The following XXYLT1 variants were observed in gnomAD, a reference collection of about 807,000 sequenced individuals.
The protein encoded by XXYLT1 is UDP-xylose:alpha-xyloside alpha-1,3-xylosyltransferase.
Under a neutral mutation model 28.9 loss-of-function variants are expected in XXYLT1, and 20 were observed. The ratio of observed to expected loss-of-function variants is 0.69; its 90% CI spans 0.49 to 1.00. The LOEUF is 1.00. Among genes scored for constraint, XXYLT1 ranks in the 50% least tolerant of loss-of-function variants. XXYLT1 has a pLI of 0.00. For synonymous variants in XXYLT1, 257 were observed against 253.8 expected (o/e 1.01, Z -0.12); for missense variants, 542 against 560.1 (o/e 0.97, Z 0.33).
intron 3 of XXYLT1, chr3:195,122,056 C>T (rs60922537): frequency 1.6e-5 from 11 of 702,748 alleles, no homozygotes; most frequent in Middle Eastern, 2.3e-4. Context: ...CCAAGACCAA[C>T]GTGCCCACTG....
intron 2 of XXYLT1, among the ~76,000 whole-genome samples, chr3:195,214,333 G>A (rs1723462863): frequency 6.6e-6 from 1 of 152,030 alleles, no homozygotes; most frequent in South Asian, 2.1e-4. Flanking sequence ...AATCAGGGAG[G>A]GAGGAGGCTC....
At chr3:195,174,449 C>A (rs1348303645) in intron 2 of XXYLT1, among the ~76,000 whole-genome samples, 2 of 152,154 alleles carry the variant, frequency 1.3e-5, no homozygotes, top group African/African-American at 4.8e-5. Flanking sequence ...AGTGATCCTC[C>A]CACCTCAGCC....
chr3:195,186,896 GTT>G (rs756410119), intron 2 of XXYLT1, among the ~76,000 whole-genome samples: 7 of 137,138 alleles, frequency 5.1e-5, no homozygotes, highest in South Asian at 2.4e-4. Context: ...ACTGGCTGAA[GTT>G]TTTTTTTTTT....
At chr3:195,107,741 G>A (rs542703972) in intron 3 of XXYLT1, among the ~76,000 whole-genome samples, 58 of 151,344 alleles carry the variant, frequency 3.8e-4, no homozygotes, top group African/African-American at 1.2e-3. Flanking sequence ...CTGTGACCCC[G>A]TCCTCCCTGC....
intron 3 of XXYLT1, among the ~76,000 whole-genome samples, chr3:195,155,149 G>A (rs1720497090): frequency 6.6e-6 from 1 of 152,206 alleles, no homozygotes; most frequent in African/African-American, 2.4e-5. Context: ...CTCATTTAGG[G>A]GCCTTGCAGG....
Position 195,195,862 on chromosome 3 carries a change from A to C in XXYLT1, c.652+30847T>G, listed in dbSNP as rs1222651787. On this transcript the variant is annotated intron_variant, in intron 2 of 3. Transcript: ENST00000310380. This position sits in a 1 kb window ranked among gnomAD's most constrained non-coding sequence, Gnocchi z 4.4. ...CAGTCCTGTTGCATTGAAGTATCCA[A>C]TGAGCTCCAGTGAGCCTGAGCCTGG... Among the ~76,000 whole-genome samples the C allele has an allele frequency of 6.6e-6, 1 of 152,168 alleles. No individual in the cohort carries two copies. The highest frequency in any genetic ancestry group is 1.5e-5 in the Non-Finnish European group (1 of 68,010).
rs577003910 is a variant in XXYLT1 at position 195,207,701 on chromosome 3, TA to T, written c.652+19007del. Among the ~76,000 whole-genome samples, 1,200 of 152,256 alleles carry T rather than the reference TA, an allele frequency of 7.9e-3. 16 individuals are homozygous for T. Among genetic ancestry groups the T allele is most frequent in the African/African-American group, 0.028 (1,152 of 41,538 alleles). On this transcript the variant is annotated intron_variant, in intron 2 of 3. Coordinates refer to ENST00000310380, the MANE Select transcript of XXYLT1 (RefSeq NM_152531.5). ...AACAAATATTTATTTATCTTACAGA[TA>T]AATAAATAAGCTGTAAGATAAATAT...
At chr3:195,194,972 G>A (rs912539978) in intron 2 of XXYLT1, among the ~76,000 whole-genome samples, 1 of 152,134 alleles carries the variant, frequency 6.6e-6, no homozygotes, top group African/African-American at 2.4e-5. Context: ...TTCTAACACC[G>A]AATTGTGGTC....
At chr3:195,254,192 A>C (rs1007742959) in intron 1 of XXYLT1, among the ~76,000 whole-genome samples, 2 of 152,206 alleles carry the variant, frequency 1.3e-5, no homozygotes, top group African/African-American at 4.8e-5. Context: ...CAGGTTCTCC[A>C]GGGCCTCAGC....
At chr3:195,081,440 G>A (rs767976246) in intron 3 of XXYLT1, among the ~76,000 whole-genome samples, 25 of 152,176 alleles carry the variant, frequency 1.6e-4, no homozygotes, top group Non-Finnish European at 5.9e-5. Flanking sequence ...TGCCAGGAGG[G>A]AGGCCCAGCT....
At chr3:195,097,523 T>C (rs1447298837) in intron 3 of XXYLT1, among the ~76,000 whole-genome samples, 1 of 152,208 alleles carries the variant, frequency 6.6e-6, no homozygotes, top group Non-Finnish European at 1.5e-5. Flanking sequence ...ATGAGGTTGT[T>C]ATTATCATGA....
chr3:195,121,842 C>A (rs12633474), intron 3 of XXYLT1, among the ~76,000 whole-genome samples: 1 of 152,182 alleles, frequency 6.6e-6, no homozygotes, highest in Non-Finnish European at 1.5e-5. Context: ...CCTCAGGATC[C>A]CCATCTATAA....
chr3:195,233,497 T>C (rs1340084167), intron 1 of XXYLT1, among the ~76,000 whole-genome samples: 1 of 152,234 alleles, frequency 6.6e-6, no homozygotes, highest in East Asian at 1.9e-4. Flanking sequence ...GCTTTTTACT[T>C]TTTCATATCC....
intron 2 of XXYLT1, chr3:195,175,613 G>T: frequency 6.5e-7 from 1 of 1,536,186 alleles, no homozygotes. Flanking sequence ...GGTAGTAACA[G>T]ACATCGCTAG....
At chr3:195,169,985 C>A (rs948005091) in intron 2 of XXYLT1, among the ~76,000 whole-genome samples, 1 of 94,410 alleles carries the variant, frequency 1.1e-5, no homozygotes, top group African/African-American at 4.0e-5. Flanking sequence ...CCTGCCTCAG[C>A]CTTCCAAGTA....
chr3:195,132,352 G>A (rs1017050654), intron 3 of XXYLT1, among the ~76,000 whole-genome samples: 27 of 151,882 alleles, frequency 1.8e-4, no homozygotes, highest in Admixed American at 9.2e-4. Context: ...CTATAGTCCC[G>A]ACTACTCGGG....
Position 195,167,268 on chromosome 3 carries a change from T to C in XXYLT1, c.653-10687A>G, listed in dbSNP as rs151042186. Among the ~76,000 whole-genome samples the C allele has an allele frequency of 6.8e-4, 104 of 152,328 alleles. 1 individual carries two copies. Among genetic ancestry groups the C allele is most frequent in the African/African-American group, 2.5e-3 (102 of 41,580 alleles). On this transcript the variant is annotated intron_variant, in intron 2 of 3. Transcript: ENST00000310380. ...AAATGTTTACCTGTTTGTTTTAGCCTCCATTGATGATTCTTGTCTAAATAA... is the reference window on the plus strand; with the variant it reads ...AAATGTTTACCTGTTTGTTTTAGCCCCCATTGATGATTCTTGTCTAAATAA...
chr3:195,088,017 C>T (rs1715849253), intron 3 of XXYLT1, among the ~76,000 whole-genome samples: 1 of 152,024 alleles, frequency 6.6e-6, no homozygotes, highest in Non-Finnish European at 1.5e-5. Context: ...ACATCCCGCA[C>T]CTGGCTCGGA....
chr3:195,265,927 T>C (rs964913107), intron 1 of XXYLT1, among the ~76,000 whole-genome samples: 3 of 152,178 alleles, frequency 2.0e-5, no homozygotes, highest in Non-Finnish European at 2.9e-5. Flanking sequence ...TTCAACCTTG[T>C]TTAAGCCACC....
Sources: gnomAD v4.1 joint callset for allele counts (sites outside exome capture counted in the v4.1 genomes callset) on GRCh38, gnomAD v4.1.1 for gene constraint, Gnocchi (gnomAD v3.1) non-coding constraint, MANE v1.5 for transcripts, NCBI Gene and HGNC (gene_info 2026-07-23, HGNC 2026-07-21) for gene names.